ADGRL3: variants seen among roughly 807,000 people sequenced by gnomAD.
ADGRL3 encodes calcium-independent alpha-latrotoxin receptor 3.
In ADGRL3, 62 loss-of-function variants were observed where a neutral mutation model predicts 153.5. That is an observed-to-expected ratio of 0.40 (90% CI 0.33 to 0.50). ADGRL3 has a LOEUF of 0.50. Ranked by LOEUF, ADGRL3 falls within the 20% of genes least tolerant of loss-of-function variation. The pLI, the probability that ADGRL3 is intolerant of heterozygous loss-of-function variation, is 0.47. For synonymous variants in ADGRL3, 710 were observed against 672.5 expected (o/e 1.06, Z -0.86); for missense variants, 1,641 against 1,859.4 (o/e 0.88, Z 2.16).
chr4:61,408,710 CTTAAAA>C (rs1399918700), intron 2 of ADGRL3, among the ~76,000 whole-genome samples: 1 of 151,928 alleles, frequency 6.6e-6, no homozygotes, highest in East Asian at 1.9e-4. Context: ...TTTTAAAGCT[CTTAAAA>C]TTAATATGCA....
At chr4:61,374,418 C>CT (rs930957415) in intron 1 of ADGRL3, among the ~76,000 whole-genome samples, 21 of 150,620 alleles carry the variant, frequency 1.4e-4, no homozygotes, top group South Asian at 8.4e-4. Context: ...TGCAGTGTGC[C>CT]TTTTTTTTTC....
In ADGRL3 at chr4:62,070,926, G is replaced by T. The variant is rs1228152548; in HGVS notation, c.*18G>T. 4 of 1,524,050 alleles carry T rather than the reference G, an allele frequency of 2.6e-6. No individual in the cohort carries two copies. In the African/African-American group the frequency reaches 5.6e-5, roughly 21 times the overall value. The allele number at this position is 1,524,050 out of a possible 1,614,324, so 94.4% of individuals were successfully genotyped here. ...GTCTATAGAAGATGACACAGAAATT[G>T]GAACCAACAAAACTGCTAACACCTT... On this transcript the variant is annotated 3_prime_UTR_variant, in exon 27 of 27. Transcript: ENST00000683033.
intron 3 of ADGRL3, among the ~76,000 whole-genome samples, chr4:61,512,331 A>G (rs2098467720): frequency 6.6e-6 from 1 of 152,204 alleles, no homozygotes; most frequent in Non-Finnish European, 1.5e-5. Flanking sequence ...ATGAAAAAAT[A>G]GACTCAGAGC....
At position 61,531,686 on chromosome 4, in the gene ADGRL3, C is replaced by A. The variant is rs28491286; in HGVS notation, c.259+14168C>A. On this transcript the variant is annotated intron_variant, in intron 4 of 26. Transcript: ENST00000683033. ...AGATAAAATATAAGAAGCAAAGAGACCAATACTGATTTCAATAATCTTTGA... is the reference window on the plus strand; with the variant it reads ...AGATAAAATATAAGAAGCAAAGAGAACAATACTGATTTCAATAATCTTTGA... 7.8e-3 allele frequency among the ~76,000 whole-genome samples: 1,192 copies of A among 151,954 alleles called. 19 individuals are homozygous for A. The highest frequency in any genetic ancestry group is 0.028 in the African/African-American group (1,154 of 41,288).
intron 5 of ADGRL3, among the ~76,000 whole-genome samples, chr4:61,644,775 G>C (rs1272259689): frequency 6.6e-6 from 1 of 152,148 alleles, no homozygotes; most frequent in Non-Finnish European, 1.5e-5. Flanking sequence ...ATTTGGGGTG[G>C]AGAGTTCTGG....
At chr4:61,954,167 T>A (rs1454909017) in intron 17 of ADGRL3, among the ~76,000 whole-genome samples, 1 of 152,118 alleles carries the variant, frequency 6.6e-6, no homozygotes, top group African/African-American at 2.4e-5. Flanking sequence ...CTAAGTCTTC[T>A]CCATTTTAGT....
chr4:61,578,927 A>G (rs2098909129), intron 4 of ADGRL3, among the ~76,000 whole-genome samples: 1 of 152,118 alleles, frequency 6.6e-6, no homozygotes, highest in African/African-American at 2.4e-5. Context: ...AAAGATTCTT[A>G]GTATCCATCT....
intron 9 of ADGRL3, among the ~76,000 whole-genome samples, chr4:61,821,707 T>C (rs2148731219): frequency 6.6e-6 from 1 of 152,302 alleles, no homozygotes; most frequent in African/African-American, 2.4e-5. Flanking sequence ...TTTTACCTTT[T>C]TTCCCTCAAA....
At chr4:61,831,571 T>C (rs1415290832) in intron 9 of ADGRL3, among the ~76,000 whole-genome samples, 3 of 152,088 alleles carry the variant, frequency 2.0e-5, no homozygotes, top group Non-Finnish European at 4.4e-5. Context: ...CCAGTGCATT[T>C]ATAACTGGCA....
At chr4:61,640,181 CA>C (rs1312988641) in intron 5 of ADGRL3, among the ~76,000 whole-genome samples, 1 of 151,696 alleles carries the variant, frequency 6.6e-6, no homozygotes, top group Non-Finnish European at 1.5e-5. Flanking sequence ...AGCTGTTCAA[CA>C]AGCGGAATAT....
At chr4:61,475,700 T>C (rs1030873183) in intron 2 of ADGRL3, among the ~76,000 whole-genome samples, 1 of 152,098 alleles carries the variant, frequency 6.6e-6, no homozygotes, top group African/African-American at 2.4e-5. Flanking sequence ...CTTAGTAGCT[T>C]TGATAATGTT....
intron 1 of ADGRL3, among the ~76,000 whole-genome samples, chr4:61,379,731 C>T (rs1269538142): frequency 6.6e-6 from 1 of 151,994 alleles, no homozygotes; most frequent in Non-Finnish European, 1.5e-5. Context: ...CTTAATTCCA[C>T]ATTAATTTAT....
At chr4:61,675,626 TC>T (rs2095161734) in intron 5 of ADGRL3, among the ~76,000 whole-genome samples, 1 of 138,118 alleles carries the variant, frequency 7.2e-6, no homozygotes, top group Admixed American at 7.5e-5. Context: ...GTTTTTTTTT[TC>T]CTATGGCTTA....
At chr4:61,471,521 C>A (rs534708882) in intron 2 of ADGRL3, among the ~76,000 whole-genome samples, 4 of 151,538 alleles carry the variant, frequency 2.6e-5, no homozygotes, top group Admixed American at 6.6e-5. Flanking sequence ...AGAGGAATTT[C>A]TATTATAAAA....
At chr4:61,273,344 G>A (rs1045528897) in intron 1 of ADGRL3, among the ~76,000 whole-genome samples, 3 of 152,144 alleles carry the variant, frequency 2.0e-5, no homozygotes, top group Admixed American at 2.0e-4. Flanking sequence ...GGAGAGGCAA[G>A]TCACTGCTTA....
Position 62,070,666 on chromosome 4 carries a change from G to A in ADGRL3, c.4390G>A (p.Ala1464Thr), listed in dbSNP as rs771497064. The A allele has an allele frequency of 8.7e-5, 135 of 1,551,264 alleles. No homozygotes were observed. Among genetic ancestry groups the A allele is most frequent in the South Asian group, 1.1e-4 (9 of 84,044 alleles). ...CATGCCGACACTGGCTGGTGTGGCC[G>A]CCACAGAGAGTGTTACCACCAGCAC... ...TSMPTLAGVAATESVTTSTQT... is the reference protein window; with the variant it reads ...TSMPTLAGVATTESVTTSTQT... Residue 1464 changes from alanine to threonine, a missense_variant, in exon 27 of 27, where the codon GCC becomes ACC. Coordinates refer to ENST00000683033, the MANE Select transcript of ADGRL3 (RefSeq NM_001387552.1).
At chr4:61,998,840 GT>G (rs1451181993) in intron 21 of ADGRL3, among the ~76,000 whole-genome samples, 1 of 152,078 alleles carries the variant, frequency 6.6e-6, no homozygotes, top group African/African-American at 2.4e-5. Flanking sequence ...GCCTCCCAAA[GT>G]ACTGGGAGTA....
chr4:61,356,610 T>C (rs988549764), intron 1 of ADGRL3, among the ~76,000 whole-genome samples: 3 of 152,090 alleles, frequency 2.0e-5, no homozygotes, highest in African/African-American at 7.2e-5. Flanking sequence ...TTCCATGGAG[T>C]ATTTGACAAG....
Position 62,034,247 on chromosome 4 carries a change from A to AT in ADGRL3, c.3591+2641dup, listed in dbSNP as rs1723765576. ...CCAGGAAGTCAGGAATGGTTACTAC[A>AT]TTTTCAATACATAAAGTTTAAAATA... On this transcript the variant is annotated intron_variant, in intron 23 of 26. Coordinates refer to ENST00000683033, the MANE Select transcript of ADGRL3 (RefSeq NM_001387552.1). 5.9e-5 allele frequency among the ~76,000 whole-genome samples: 9 copies of AT among 151,786 alleles called. No homozygotes were observed. The South Asian group carries it at 1.9e-3, about 31-fold the overall frequency.
Sources: allele counts gnomAD v4.1 joint callset (sites outside exome capture counted in the v4.1 genomes callset), GRCh38; gene constraint gnomAD v4.1.1; transcripts MANE v1.5; gene names NCBI Gene and HGNC (gene_info 2026-07-23, HGNC 2026-07-21).